ZDHHC21: variants seen among roughly 807,000 people sequenced by gnomAD.
The protein encoded by ZDHHC21 is zDHHC palmitoyltransferase 21.
Under a neutral mutation model 34.6 loss-of-function variants are expected in ZDHHC21, and 15 were observed. The ratio of observed to expected loss-of-function variants is 0.43; its 90% confidence interval spans 0.29 to 0.67. The LOEUF is 0.67. ZDHHC21 is among the 30% of genes least tolerant of loss of function. ZDHHC21 has a pLI of 0.14. For missense variants in ZDHHC21, 344 were observed against 327.7 expected, an observed-to-expected ratio of 1.05 and a Z score of -0.38; for synonymous variants, 142 against 101.8, an observed-to-expected ratio of 1.40 and a Z score of -2.38.
chr9:14,675,812 T>C (rs1196781214), intron 3 of ZDHHC21, among the ~76,000 whole-genome samples: 3 of 151,984 alleles, frequency 2.0e-5, no homozygotes, highest in African/African-American at 7.2e-5. Context: ...AAGTAAGACT[T>C]ACTGTAAGAA....
Position 14,612,730 on chromosome 9 carries a change from CTCTATA to C in ZDHHC21, c.*6230_*6235del, listed in dbSNP as rs1258711839. On this transcript the variant is annotated 3_prime_UTR_variant, in exon 10 of 10. Transcript: ENST00000380916. ...TCTGTCTGTCTCTCCGTATCTCTCT[CTCTATA>C]TATCTACACACACATATGTACACAT... 1 of 151,518 alleles carries C rather than the reference CTCTATA, an allele frequency of 6.6e-6. No homozygotes were observed. Among genetic ancestry groups the C allele is most frequent in the Non-Finnish European group, 1.5e-5 (1 of 67,762 alleles). 9.4% of individuals were successfully genotyped at this position (151,518 alleles called of 1,614,324 possible). A position where few individuals can be genotyped will look rare whatever the true frequency, so the allele number is the denominator to read the frequency against.
At chr9:14,681,731 GT>G (rs1837413240) in intron 2 of ZDHHC21, among the ~76,000 whole-genome samples, 2 of 3,700 alleles carry the variant, frequency 5.4e-4, no homozygotes, top group Non-Finnish European at 7.2e-3. Flanking sequence ...AAGGGGAATG[GT>G]GTGTGTGTGT....
At chr9:14,636,687 A>G (rs1400271078) in intron 8 of ZDHHC21, among the ~76,000 whole-genome samples, 1 of 152,190 alleles carries the variant, frequency 6.6e-6, no homozygotes, top group Non-Finnish European at 1.5e-5. Context: ...CATGAAAAAA[A>G]TCTAAATTGT....
intron 3 of ZDHHC21, among the ~76,000 whole-genome samples, chr9:14,675,356 C>T (rs181144326): frequency 4.0e-5 from 6 of 151,894 alleles, no homozygotes; most frequent in South Asian, 2.1e-4. Context: ...ACTAGGACAA[C>T]GGTTCTCTAG....
At chr9:14,644,503 T>A (rs1829943361) in intron 7 of ZDHHC21, among the ~76,000 whole-genome samples, 1 of 151,976 alleles carries the variant, frequency 6.6e-6, no homozygotes, top group Non-Finnish European at 1.5e-5. Context: ...GTTGATTTTG[T>A]GTGTTTTTTT....
chr9:14,596,265 C>T, the ZDHHC21 span, among the ~76,000 whole-genome samples: 5,046 of 152,290 alleles, frequency 0.033, 119 homozygotes, highest in Non-Finnish European at 0.046. Flanking sequence ...TATGACCCCC[C>T]GTGTCTTTTC....
chr9:14,638,254 CA>C (rs968675636), intron 8 of ZDHHC21, among the ~76,000 whole-genome samples: 1 of 151,936 alleles, frequency 6.6e-6, no homozygotes, highest in African/African-American at 2.4e-5. Context: ...TGATTTTTGA[CA>C]AAGGCATCAA....
intron 7 of ZDHHC21, among the ~76,000 whole-genome samples, chr9:14,641,363 T>C (rs1829336026): frequency 6.6e-6 from 1 of 152,060 alleles, no homozygotes; most frequent in South Asian, 2.1e-4. Flanking sequence ...ATAAAACATA[T>C]AAAACCAAAA....
intron 2 of ZDHHC21, 94 bp downstream of exon 2, chr9:14,690,243 G>GGTAGA: frequency 2.4e-6 from 1 of 415,452 alleles, no homozygotes; most frequent in Non-Finnish European, 4.7e-6. Flanking sequence ...GGGGGTTGGG[G>GGTAGA]GTAGAAGACT....
rs1429678042 is a variant in ZDHHC21 at position 14,614,816 on chromosome 9, T to C, written c.*4150A>G. 1.3e-5 allele frequency: 2 copies of C among 151,732 alleles called. No homozygotes were observed. Among genetic ancestry groups the C allele is most frequent in the Admixed American group, 6.6e-5 (1 of 15,182 alleles). The allele number at this position is 151,732 out of a possible 1,614,324, so 9.4% of individuals were successfully genotyped here. ...GAGTTGTGTGAAAATCTAATATTTG[T>C]ATCTATTAGCAAACTACTCAATGTT... On this transcript the variant is annotated 3_prime_UTR_variant, in exon 10 of 10. Coordinates refer to ENST00000380916, the MANE Select transcript of ZDHHC21 (RefSeq NM_178566.6).
chr9:14,590,388 T>G, the ZDHHC21 span, among the ~76,000 whole-genome samples: 1 of 152,118 alleles, frequency 6.6e-6, no homozygotes, highest in Admixed American at 6.5e-5. Context: ...TTTCCAAATC[T>G]GATGAAAATA....
chr9:14,656,371 A>T lies in ZDHHC21; in HGVS notation c.504+2378T>A, dbSNP rs116549270. 5.8e-3 allele frequency among the ~76,000 whole-genome samples: 879 copies of T among 152,050 alleles called. 9 individuals carry two copies. Among genetic ancestry groups the T allele is most frequent in the African/African-American group, 0.02 (842 of 41,548 alleles). ...TTTAAATTTGTCTGTCTTTTCTTAC[A>T]ATGGGAAATACTGTGGTAAAGCTCT... is the stretch of plus-strand genomic sequence containing the variant. On this transcript the variant is annotated intron_variant, in intron 7 of 9. Coordinates refer to ENST00000380916, the MANE Select transcript of ZDHHC21 (RefSeq NM_178566.6).
At chr9:14,652,496 G>C (rs1018811221) in intron 7 of ZDHHC21, among the ~76,000 whole-genome samples, 5 of 151,904 alleles carry the variant, frequency 3.3e-5, no homozygotes, top group African/African-American at 7.2e-5. Context: ...CGTGATAAAA[G>C]AATATTTTAA....
At position 14,684,700 on chromosome 9, in the gene ZDHHC21, T is replaced by C. The variant is rs1197579492; in HGVS notation, c.-175-4538A>G. On this transcript the variant is annotated intron_variant, in intron 2 of 9. Coordinates refer to ENST00000380916, the MANE Select transcript of ZDHHC21 (RefSeq NM_178566.6). The stretch of plus-strand genomic sequence containing the variant: ...CTTTCTTCACAGAATTGGAAAAAAC[T>C]ACTTTAAAGCTCATATGGAACCAAA... Among the ~76,000 whole-genome samples the C allele has an allele frequency of 2.0e-5, 3 of 151,280 alleles. No homozygotes were observed. In the East Asian group the frequency reaches 6.0e-4, roughly 30 times the overall value.
chr9:14,653,062 C>T (rs1225477858), intron 7 of ZDHHC21, among the ~76,000 whole-genome samples: 1 of 151,824 alleles, frequency 6.6e-6, no homozygotes, highest in Non-Finnish European at 1.5e-5. Flanking sequence ...ATCATTACTC[C>T]CACAAAAAAT....
At chr9:14,681,042 G>C (rs1235753586) in intron 2 of ZDHHC21, among the ~76,000 whole-genome samples, 1 of 152,054 alleles carries the variant, frequency 6.6e-6, no homozygotes, top group African/African-American at 2.4e-5. Flanking sequence ...TGAGTAAACT[G>C]AAATAACAAG....
intron 5 of ZDHHC21, among the ~76,000 whole-genome samples, chr9:14,670,726 A>G (rs1394604646): frequency 6.6e-6 from 1 of 152,142 alleles, no homozygotes; most frequent in South Asian, 2.1e-4. Context: ...AAAAACTCAC[A>G]GTTTCACATA....
At chr9:14,656,422 T>C (rs1379485710) in intron 7 of ZDHHC21, among the ~76,000 whole-genome samples, 2 of 151,952 alleles carry the variant, frequency 1.3e-5, no homozygotes, top group Admixed American at 1.3e-4. Context: ...AACTTGATAA[T>C]ATGTATGAAT....
chr9:14,618,575 G>C lies in ZDHHC21; in HGVS notation c.*391C>G, dbSNP rs1824685957. The C allele has an allele frequency of 6.4e-6, 1 of 155,724 alleles. No homozygotes were observed. The highest frequency in any genetic ancestry group is 1.4e-5 in the Non-Finnish European group (1 of 70,460). 9.6% of individuals were successfully genotyped at this position (155,724 alleles called of 1,614,324 possible). A position where few individuals can be genotyped will look rare whatever the true frequency, so the allele number is the denominator to read the frequency against. Reference sequence around the variant, plus strand: ...TGTAAAACCTGAATAATTAAATTTAGATTTGGTTACTGTTTAAAAGTGAAA... The same window carrying C: ...TGTAAAACCTGAATAATTAAATTTACATTTGGTTACTGTTTAAAAGTGAAA... On this transcript the variant is annotated 3_prime_UTR_variant, in exon 10 of 10. Coordinates refer to ENST00000380916, the MANE Select transcript of ZDHHC21 (RefSeq NM_178566.6).
Sources: gnomAD v4.1 joint callset for allele counts (sites outside exome capture counted in the v4.1 genomes callset) on GRCh38, gnomAD v4.1.1 for gene constraint, MANE v1.5 for transcripts, NCBI Gene and HGNC (gene_info 2026-07-23, HGNC 2026-07-21) for gene names.